COL2A1: variants seen among roughly 807,000 people sequenced by gnomAD.
COL2A1 encodes the protein collagen alpha-1(II) chain.
In COL2A1, 28 loss-of-function variants were observed where a neutral mutation model predicts 204.5. The observed-to-expected ratio is 0.14, with a 90% CI of 0.10 to 0.19. The LOEUF (loss-of-function observed/expected upper bound fraction) is 0.19. Ranked by LOEUF, COL2A1 falls within the 10% of genes least tolerant of loss-of-function variation. The probability of loss-of-function intolerance (pLI) is 1.00; values close to 1 mark genes in which losing one functional copy is unlikely to be tolerated. For synonymous variants in COL2A1, 708 were observed against 718.7 expected (o/e 0.99, Z 0.24); for missense variants, 1,388 against 2,027.5 (o/e 0.68, Z 6.06).
At chr12:48,004,697 G>A, upstream of COL2A1, 1 of 172,470 alleles carries the variant, frequency 5.8e-6, no homozygotes, top group Non-Finnish European at 1.2e-5. Context: ...GCGCCGAGTG[G>A]CCTGATCGGG....
intron 2 of COL2A1, chr12:47,999,613 G>T (rs1940132793): frequency 2.8e-6 from 1 of 352,896 alleles, no homozygotes. Context: ...CTAGTAATTT[G>T]CAGAGATGAT....
intron 13 of COL2A1, 38 bp downstream of exon 13, chr12:47,993,956 C>T (rs1565691153): frequency 1.2e-6 from 2 of 1,613,718 alleles, no homozygotes; most frequent in Non-Finnish European, 1.7e-6. Context: ...TCCCACCAGG[C>T]ATCTCTTCCT....
At chr12:47,979,895 C>G in intron 40 of COL2A1, 114 bp downstream of exon 40, 8 of 980,318 alleles carry the variant, frequency 8.2e-6, no homozygotes, top group Non-Finnish European at 1.1e-5. Context: ...GGCTGGGGAC[C>G]AACGCAGGGC....
intron 18 of COL2A1, among the ~76,000 whole-genome samples, chr12:47,988,077 C>T (rs867193613): frequency 7.2e-5 from 11 of 152,192 alleles, no homozygotes; most frequent in African/African-American, 1.7e-4. Context: ...GGATGATGGA[C>T]GGACACCGCT....
In COL2A1 at chr12:47,987,022, A is replaced by T; in HGVS notation, c.1365+56T>A. 3 of 1,586,722 alleles carry T rather than the reference A, an allele frequency of 1.9e-6. No individual in the cohort carries two copies. Among genetic ancestry groups the T allele is most frequent in the Non-Finnish European group, 8.7e-7 (1 of 1,155,112 alleles). On this transcript the variant is annotated intron_variant, in intron 21 of 53. Coordinates refer to ENST00000380518, the MANE Select transcript of COL2A1 (RefSeq NM_001844.5). This position sits in a 1 kb window ranked among gnomAD's most constrained non-coding sequence, Gnocchi z 4.1. Reference sequence around the variant, plus strand: ...CAGGAGAGCATGGGAAAGAGGGGTGATGGGGTTTGACTCCAGAGATGTCAG... The same window carrying T: ...CAGGAGAGCATGGGAAAGAGGGGTGTTGGGGTTTGACTCCAGAGATGTCAG...
intron 12 of COL2A1, 128 bp downstream of exon 12, chr12:47,994,296 T>C: frequency 9.3e-7 from 1 of 1,077,086 alleles, no homozygotes; most frequent in Non-Finnish European, 1.4e-6. Flanking sequence ...AACATGGTCG[T>C]GATAAATATA....
intron 11 of COL2A1, among the ~76,000 whole-genome samples, chr12:47,994,844 T>C: frequency 6.6e-6 from 1 of 152,246 alleles, no homozygotes. Context: ...GTCTCTTCAT[T>C]TCGTTTGCAT....
At chr12:47,998,646 C>T in intron 2 of COL2A1, 1 of 589,534 alleles carries the variant, frequency 1.7e-6, no homozygotes, top group East Asian at 2.9e-5. Flanking sequence ...TGGAGGTGAC[C>T]CAGACTTTGT....
At chr12:47,992,965 T>C (rs374247877) in intron 15 of COL2A1, 34 bp from the exon 16 acceptor site, 110 of 1,611,864 alleles carry the variant, frequency 6.8e-5, no homozygotes, top group Admixed American at 4.5e-4. Flanking sequence ...TAAGCATGAG[T>C]TGGCTTTACG....
chr12:47,995,141 T>C (rs1592231787), intron 11 of COL2A1, 114 bp downstream of exon 11: 1 of 887,410 alleles, frequency 1.1e-6, no homozygotes, highest in Non-Finnish European at 1.9e-6. Flanking sequence ...TGCCCAGTCT[T>C]GCTCCTCAAG....
intron 44 of COL2A1, 52 bp downstream of exon 44, chr12:47,977,958 C>T: frequency 6.6e-7 from 1 of 1,513,224 alleles, no homozygotes; most frequent in Non-Finnish European, 9.1e-7. Context: ...CACAGAGACT[C>T]ACAGGGCCCC....
chr12:47,990,451 T>C (rs1472632969), intron 16 of COL2A1, among the ~76,000 whole-genome samples: 2 of 152,256 alleles, frequency 1.3e-5, no homozygotes, highest in African/African-American at 4.8e-5. Flanking sequence ...GAGGCAACCA[T>C]GTGGACTCAG....
chr12:47,977,252 A>C, intron 46 of COL2A1, 68 bp downstream of exon 46: 1 of 1,584,026 alleles, frequency 6.3e-7, no homozygotes, highest in Non-Finnish European at 8.7e-7. Flanking sequence ...GAGACTGCGG[A>C]AACCCAGGGA....
Position 47,996,740 on chromosome 12 carries a change from G to A in COL2A1, c.532-115C>T, listed in dbSNP as rs1333999454. 4.7e-6 allele frequency: 4 copies of A among 859,156 alleles called. No individual in the cohort carries two copies. The African/African-American group carries it at 5.0e-5, about 11-fold the overall frequency. 53.2% of individuals were successfully genotyped at this position (859,156 alleles called of 1,614,324 possible). On this transcript the variant is annotated intron_variant, in intron 7 of 53. Coordinates refer to ENST00000380518, the MANE Select transcript of COL2A1 (RefSeq NM_001844.5). Reference sequence around the variant, plus strand: ...CTACTGAGATAAACTCTGATTGTTGGAGACTAACCTATCATTGATCAGAAT... The same window carrying A: ...CTACTGAGATAAACTCTGATTGTTGAAGACTAACCTATCATTGATCAGAAT...
chr12:47,993,757 G>A, intron 14 of COL2A1, 52 bp downstream of exon 14: 1 of 1,577,790 alleles, frequency 6.3e-7, no homozygotes, highest in South Asian at 1.1e-5. Context: ...AGGAAGAGGG[G>A]CTCCTCATTG....
Position 47,974,850 on chromosome 12 carries a change from A to G in COL2A1, c.3899T>C (p.Ile1300Thr). Residue 1300 changes from isoleucine (I) to threonine (T), a missense_variant, in exon 52 of 54, where the codon ATT becomes ACT. Coordinates refer to ENST00000380518, the MANE Select transcript of COL2A1 (RefSeq NM_001844.5). ...CAAGGTGCAGCCTTGGTTGGGGTCA[A>G]TCCAGTAGTCTCCTGCAGGGGGAAG... is the stretch of plus-strand genomic sequence containing the variant. Reference protein sequence around the residue: ...HPEWKSGDYWIDPNQGCTLDA... With the variant: ...HPEWKSGDYWTDPNQGCTLDA... The G allele has an allele frequency of 6.2e-7, 1 of 1,613,744 alleles. No homozygotes were observed. Among genetic ancestry groups the G allele is most frequent in the Non-Finnish European group, 8.5e-7 (1 of 1,179,722 alleles).
chr12:47,984,686 G>T (rs1939291810), intron 27 of COL2A1, 87 bp from the exon 28 acceptor site: 4 of 1,263,694 alleles, frequency 3.2e-6, no homozygotes, highest in Non-Finnish European at 4.6e-6. Flanking sequence ...GAGGCCTGGG[G>T]CCACATCCTG....
chr12:47,977,509 A>G (rs1938789144), intron 45 of COL2A1, 82 bp from the exon 46 acceptor site: 2 of 1,590,434 alleles, frequency 1.3e-6, no homozygotes, highest in African/African-American at 1.3e-5. Flanking sequence ...CTGAGATGAG[A>G]CTTGTTCCAA....
At chr12:47,977,258 A>G in intron 46 of COL2A1, 62 bp downstream of exon 46, 1 of 1,574,998 alleles carries the variant, frequency 6.3e-7, no homozygotes, top group Non-Finnish European at 8.7e-7. Context: ...GCGGAAACCC[A>G]GGGACTGCCT....
Sources: allele counts gnomAD v4.1 joint callset (sites outside exome capture counted in the v4.1 genomes callset), GRCh38; gene constraint gnomAD v4.1.1; non-coding constraint Gnocchi (gnomAD v3.1); transcripts MANE v1.5; gene names NCBI Gene and HGNC (gene_info 2026-07-23, HGNC 2026-07-21).